Variants in ABCC12 observed in about 807,000 individuals in gnomAD.
ABCC12 encodes ATP binding cassette subfamily C member 12.
Under a neutral mutation model 151.1 loss-of-function variants are expected in ABCC12, and 142 were observed. That is an observed-to-expected ratio of 0.94 (90% CI 0.82 to 1.08). The LOEUF is 1.08. Ranked by LOEUF, ABCC12 falls within the 50% of genes least tolerant of loss-of-function variation. The pLI, the probability that ABCC12 is intolerant of heterozygous loss-of-function variation, is 0.00. For synonymous variants in ABCC12, 645 were observed against 646.4 expected (o/e 1.00, Z 0.03); for missense variants, 1,638 against 1,691.1 (o/e 0.97, Z 0.55).
Position 48,082,203 on chromosome 16 carries a change from C to A in ABCC12, c.*1512G>T, listed in dbSNP as rs1962370505. ...TTCTCAGCCACATGTCTTAGTGCACCCTCTGCTGAGGGCAGGATCCATTGC... is the reference window on the plus strand; with the variant it reads ...TTCTCAGCCACATGTCTTAGTGCACACTCTGCTGAGGGCAGGATCCATTGC... On this transcript the variant is annotated 3_prime_UTR_variant, in exon 31 of 31. Coordinates refer to ENST00000311303, the MANE Select transcript of ABCC12 (RefSeq NM_001393797.1). Among the ~76,000 whole-genome samples, 1 of 152,204 alleles carries A rather than the reference C, an allele frequency of 6.6e-6. No homozygotes were observed. The highest frequency in any genetic ancestry group is 2.4e-5 in the African/African-American group (1 of 41,448).
intron 16 of ABCC12, 32 bp from the exon 17 acceptor site, chr16:48,111,694 T>G: frequency 6.2e-7 from 1 of 1,614,108 alleles, no homozygotes; most frequent in Non-Finnish European, 8.5e-7. Flanking sequence ...TTCTGAATGC[T>G]AAGTGACAGG....
intron 24 of ABCC12, among the ~76,000 whole-genome samples, chr16:48,091,727 C>A (rs1962905932): frequency 6.6e-6 from 1 of 152,186 alleles, no homozygotes; most frequent in Non-Finnish European, 1.5e-5. Flanking sequence ...TTGCTAAGGT[C>A]ACCCACCTTA....
chr16:48,152,705 A>G (rs1006733420), intron 2 of ABCC12, among the ~76,000 whole-genome samples: 1 of 152,206 alleles, frequency 6.6e-6, no homozygotes, highest in African/African-American at 2.4e-5. Flanking sequence ...GACCCCAGTC[A>G]CTTCTTCTCA....
intron 2 of ABCC12, 63 bp from the exon 3 acceptor site, chr16:48,146,537 C>T: frequency 1.2e-6 from 1 of 820,004 alleles, no homozygotes; most frequent in Non-Finnish European, 2.0e-6. Flanking sequence ...ATCAGGCAGC[C>T]TCTACTTTAC....
chr16:48,123,659 T>C (rs771367524), intron 12 of ABCC12, among the ~76,000 whole-genome samples: 3 of 152,174 alleles, frequency 2.0e-5, no homozygotes, highest in Non-Finnish European at 2.9e-5. Flanking sequence ...CGTGGCAACA[T>C]AGAGGTTTGT....
intron 8 of ABCC12, among the ~76,000 whole-genome samples, chr16:48,134,862 C>T (rs2150663119): frequency 6.6e-6 from 1 of 152,148 alleles, no homozygotes; most frequent in African/African-American, 2.4e-5. Context: ...ACCATCCTGG[C>T]TAACATGGTG....
Position 48,088,644 on chromosome 16 carries a change from G to T in ABCC12, c.3376C>A (p.Gln1126Lys), listed in dbSNP as rs1179998071. The part of the protein sequence containing the change: ...SRGEITFRDY[Q>K]MRYRDNTPLV... ...GGGGTGTTGTCTCTGTATCTCATCT[G>T]ATAGTCTCTGAAGGTGATCTCCCCA... Residue 1126 changes from glutamine to lysine, a missense_variant, in exon 26 of 31, where the codon CAG becomes AAG. Physicochemically the swap from Gln to Lys is moderately conservative, Grantham distance 53 (BLOSUM62 1). Coordinates refer to ENST00000311303, the MANE Select transcript of ABCC12 (RefSeq NM_001393797.1). 6.2e-7 allele frequency: 1 copy of T among 1,614,216 alleles called. No homozygotes were observed.
At chr16:48,150,615 A>G (rs1965104587) in intron 2 of ABCC12, among the ~76,000 whole-genome samples, 2 of 152,194 alleles carry the variant, frequency 1.3e-5, no homozygotes, top group Admixed American at 1.3e-4. Context: ...CTATATTTGT[A>G]GTAAGATTTC....
chr16:48,092,387 C>T (rs1345935554), intron 24 of ABCC12, among the ~76,000 whole-genome samples: 1 of 152,166 alleles, frequency 6.6e-6, no homozygotes, highest in Non-Finnish European at 1.5e-5. Context: ...ATGGAGCACA[C>T]CTCGGAACTG....
At chr16:48,120,468 A>G (rs562229328) in intron 13 of ABCC12, among the ~76,000 whole-genome samples, 1 of 152,336 alleles carries the variant, frequency 6.6e-6, no homozygotes, top group Admixed American at 6.5e-5. Flanking sequence ...TAATGTTAAA[A>G]TTAAAATTTA....
intron 24 of ABCC12, among the ~76,000 whole-genome samples, chr16:48,091,438 T>C (rs540668812): frequency 6.6e-6 from 1 of 152,310 alleles, no homozygotes; most frequent in South Asian, 2.1e-4. Context: ...GGTAATTACA[T>C]TTTTCCCTGG....
chr16:48,085,717 C>CA lies in ABCC12; in HGVS notation c.3715-12dup, dbSNP rs754331047. The CA allele has an allele frequency of 8.7e-5, 139 of 1,595,084 alleles. No individual in the cohort carries two copies. The highest frequency in any genetic ancestry group is 1.1e-4 in the Non-Finnish European group (130 of 1,162,988). On this transcript the variant is annotated splice_polypyrimidine_tract_variant and intron_variant, in intron 28 of 30. Coordinates refer to ENST00000311303, the MANE Select transcript of ABCC12 (RefSeq NM_001393797.1). ...TGGGAGTTTCATTATCTACAAAACACAAAAAATGCCACATTTGTGCTGATG... is the reference window on the plus strand; with the variant it reads ...TGGGAGTTTCATTATCTACAAAACACAAAAAAATGCCACATTTGTGCTGATG...
chr16:48,090,918 C>T (rs1262450188), intron 25 of ABCC12, among the ~76,000 whole-genome samples: 4 of 151,914 alleles, frequency 2.6e-5, no homozygotes, highest in African/African-American at 9.7e-5. Context: ...ACCATGTTGG[C>T]CAGGCTGGTC....
chr16:48,135,023 G>T (rs186136000), intron 8 of ABCC12, among the ~76,000 whole-genome samples: 1 of 149,276 alleles, frequency 6.7e-6, no homozygotes, highest in Non-Finnish European at 1.5e-5. Context: ...CTGCACTCCA[G>T]CCTGGGCGAG....
At chr16:48,148,497 A>G (rs1345160988) in intron 2 of ABCC12, among the ~76,000 whole-genome samples, 1 of 151,066 alleles carries the variant, frequency 6.6e-6, no homozygotes, top group Non-Finnish European at 1.5e-5. Flanking sequence ...TCAGCCTCCC[A>G]AAAGTGCTGG....
intron 11 of ABCC12, 145 bp from the exon 12 acceptor site, chr16:48,124,429 C>T (rs1163943480): frequency 1.5e-5 from 11 of 748,996 alleles, no homozygotes; most frequent in Non-Finnish European, 1.9e-5. Flanking sequence ...GCAGCTGCAG[C>T]CACACCACCC....
chr16:48,112,999 C>T (rs945930639), intron 15 of ABCC12, among the ~76,000 whole-genome samples: 5 of 152,092 alleles, frequency 3.3e-5, no homozygotes, highest in Admixed American at 3.3e-4. Flanking sequence ...ACAGAGCTCT[C>T]CCCCCAGGAT....
At position 48,111,515 on chromosome 16, in the gene ABCC12, G is replaced by T; in HGVS notation, c.2210-8C>A. 6.2e-7 allele frequency: 1 copy of T among 1,614,196 alleles called. No individual in the cohort carries two copies. Among genetic ancestry groups the T allele is most frequent in the Non-Finnish European group, 8.5e-7 (1 of 1,180,036 alleles). On this transcript the variant is annotated splice_region_variant and splice_polypyrimidine_tract_variant and intron_variant, in intron 17 of 30. Transcript: ENST00000311303. ...CATTTCCTGGAGCCAAAACTAGGGT[G>T]AGAAATAAAGAGAGATCTGTGTCCA...
chr16:48,109,760 G>A (rs1194257185), intron 18 of ABCC12, among the ~76,000 whole-genome samples: 2 of 152,254 alleles, frequency 1.3e-5, no homozygotes, highest in East Asian at 3.9e-4. Flanking sequence ...GCATCCAGGA[G>A]CACAAAAGGG....
Sources: allele counts gnomAD v4.1 joint callset (sites outside exome capture counted in the v4.1 genomes callset), GRCh38; gene constraint gnomAD v4.1.1; transcripts MANE v1.5; gene names NCBI Gene and HGNC (gene_info 2026-07-23, HGNC 2026-07-21).